MTHFD1L: variants seen among roughly 807,000 people sequenced by gnomAD.
MTHFD1L encodes methylenetetrahydrofolate dehydrogenase (NADP+ dependent) 1 like.
A neutral mutation model predicts 119.5 loss-of-function variants in MTHFD1L; 81 were observed. The observed-to-expected ratio is 0.68, with a 90% CI of 0.57 to 0.82. The LOEUF (loss-of-function observed/expected upper bound fraction) is 0.82, where lower values mean the gene tolerates loss of function less well. Among genes scored for constraint, MTHFD1L ranks in the 40% least tolerant of loss-of-function variants. The pLI, the probability that MTHFD1L is intolerant of heterozygous loss-of-function variation, is 0.00. For missense variants in MTHFD1L, 1,125 were observed against 1,253.4 expected (o/e 0.90, Z 1.55); for synonymous variants, 430 against 475.2 (o/e 0.90, Z 1.24).
chr6:151,008,494 G>A (rs1482700721), intron 20 of MTHFD1L, among the ~76,000 whole-genome samples: 1 of 146,492 alleles, frequency 6.8e-6, no homozygotes, highest in African/African-American at 2.5e-5. Context: ...TTTGTGGGGA[G>A]CCCAAGATTC....
intron 26 of MTHFD1L, among the ~76,000 whole-genome samples, chr6:151,084,310 A>T (rs1259657409): frequency 6.6e-6 from 1 of 152,226 alleles, no homozygotes; most frequent in Admixed American, 6.5e-5. Flanking sequence ...CCTGAGAATG[A>T]CCGTGGAGAG....
In MTHFD1L at chr6:150,972,056, T is replaced by C. The variant is rs2129019889; in HGVS notation, c.2123T>C (p.Val708Ala). ...ALKLVGEEGF[V>A]VTEAGFGADI... ...AAACTGGTTGGTGAAGAAGGATTTGTAGGTAAGTTATTTCTTTTAAATTTA... is the reference window on the plus strand; with the variant it reads ...AAACTGGTTGGTGAAGAAGGATTTGCAGGTAAGTTATTTCTTTTAAATTTA... The change falls in exon 20 of 28, where the codon GTA becomes GCA. Residue 708 changes from valine to alanine, a missense_variant and splice_region_variant. Physicochemically the swap from Val to Ala is moderately conservative, Grantham distance 64 (BLOSUM62 0). Transcript: ENST00000367321. 3 of 1,611,828 alleles carry C rather than the reference T, an allele frequency of 1.9e-6. No individual in the cohort carries two copies. Among genetic ancestry groups the C allele is most frequent in the Non-Finnish European group, 2.5e-6 (3 of 1,177,956 alleles).
chr6:150,869,799 A>G (rs891825808), intron 1 of MTHFD1L, among the ~76,000 whole-genome samples: 2 of 152,124 alleles, frequency 1.3e-5, no homozygotes, highest in African/African-American at 4.8e-5. Flanking sequence ...GCGGAAGTGT[A>G]TTAGTCAGAA....
intron 24 of MTHFD1L, among the ~76,000 whole-genome samples, chr6:151,018,060 T>A (rs986601115): frequency 2.6e-5 from 4 of 152,138 alleles, no homozygotes; most frequent in African/African-American, 9.7e-5. Flanking sequence ...CTCACTCTCC[T>A]CCTCAGATCG....
intron 26 of MTHFD1L, among the ~76,000 whole-genome samples, chr6:151,045,009 TTCGTTTCCTGCTGGA>T (rs1370977026): frequency 6.6e-6 from 1 of 152,188 alleles, no homozygotes; most frequent in African/African-American, 2.4e-5. Context: ...TACTCAGTGT[TTCGTTTCCTGCTGGA>T]TCTGATTCAG....
intron 26 of MTHFD1L, among the ~76,000 whole-genome samples, chr6:151,040,321 C>T (rs1255227141): frequency 1.3e-5 from 2 of 152,150 alleles, no homozygotes; most frequent in Non-Finnish European, 2.9e-5. Context: ...AGGTGGTAGA[C>T]GCAGATAGAA....
intron 8 of MTHFD1L, among the ~76,000 whole-genome samples, chr6:150,918,327 T>A (rs1006711890): frequency 1.3e-5 from 2 of 152,176 alleles, no homozygotes; most frequent in African/African-American, 4.8e-5. Flanking sequence ...CCTCCCAAAG[T>A]GCTGGGATTA....
At chr6:150,999,100 G>C (rs766420247) in intron 20 of MTHFD1L, among the ~76,000 whole-genome samples, 8 of 151,638 alleles carry the variant, frequency 5.3e-5, no homozygotes, top group African/African-American at 1.9e-4. Flanking sequence ...AAGATATCTC[G>C]TTATGTATAT....
chr6:151,007,596 G>T (rs1462233426), intron 20 of MTHFD1L, among the ~76,000 whole-genome samples: 1 of 152,240 alleles, frequency 6.6e-6, no homozygotes, highest in Non-Finnish European at 1.5e-5. Flanking sequence ...GGTCCCGTCC[G>T]TGTGCTAACC....
At chr6:151,087,601 G>A (rs1351678735) in intron 26 of MTHFD1L, among the ~76,000 whole-genome samples, 1 of 152,140 alleles carries the variant, frequency 6.6e-6, no homozygotes, top group Non-Finnish European at 1.5e-5. Context: ...CGATATTTTG[G>A]TTAAGAAAAT....
intron 11 of MTHFD1L, chr6:150,935,288 A>T (rs1791864376): frequency 6.2e-7 from 1 of 1,611,970 alleles, no homozygotes; most frequent in East Asian, 2.2e-5. Flanking sequence ...TGTCGAAAGG[A>T]TGGAAGAAGC....
chr6:150,996,662 A>G (rs1779844455), intron 20 of MTHFD1L, among the ~76,000 whole-genome samples: 1 of 152,176 alleles, frequency 6.6e-6, no homozygotes, highest in Admixed American at 6.5e-5. Flanking sequence ...AGGCCTGAGC[A>G]GCCGGCTGGG....
At position 150,937,743 on chromosome 6, in the gene MTHFD1L, C is replaced by T. The variant is rs1309303632; in HGVS notation, c.1393+803C>T. ...TGAGCCAGTCACAACCTCTCGGAGC[C>T]GCATCTCTAAAAGTCCAAAATGCTG... On this transcript the variant is annotated intron_variant, in intron 12 of 27. Transcript: ENST00000367321. Among the ~76,000 whole-genome samples, 5 of 152,038 alleles carry T rather than the reference C, an allele frequency of 3.3e-5. No homozygotes were observed. In the East Asian group the frequency reaches 7.7e-4, roughly 23 times the overall value.
intron 8 of MTHFD1L, among the ~76,000 whole-genome samples, chr6:150,913,776 T>C (rs1427019230): frequency 6.6e-6 from 1 of 152,122 alleles, no homozygotes; most frequent in Non-Finnish European, 1.5e-5. Context: ...GGCTGATTGC[T>C]TGAGCTCACG....
chr6:151,097,520 T>C (rs746275058), intron 27 of MTHFD1L, among the ~76,000 whole-genome samples: 13 of 152,170 alleles, frequency 8.5e-5, no homozygotes, highest in Non-Finnish European at 1.8e-4. Flanking sequence ...ATGCTGCATG[T>C]TCTCACTCTC....
intron 25 of MTHFD1L, among the ~76,000 whole-genome samples, chr6:151,035,258 A>C (rs1247698468): frequency 6.6e-6 from 1 of 152,196 alleles, no homozygotes; most frequent in Non-Finnish European, 1.5e-5. Flanking sequence ...CAGGAGGCTC[A>C]GCCACCTTCA....
intron 16 of MTHFD1L, among the ~76,000 whole-genome samples, chr6:150,951,730 T>A (rs181246451): frequency 2.5e-3 from 380 of 152,120 alleles, no homozygotes; most frequent in Admixed American, 6.9e-3. Flanking sequence ...TCTTTGAAAA[T>A]TTTTTTTATA....
At chr6:150,876,006 G>T (rs776903019) in intron 1 of MTHFD1L, 84 bp from the exon 2 acceptor site, 1 of 1,077,006 alleles carries the variant, frequency 9.3e-7, no homozygotes, top group Non-Finnish European at 1.4e-6. Context: ...CTTGGAGGAA[G>T]GAACTTTCAC....
intron 8 of MTHFD1L, among the ~76,000 whole-genome samples, chr6:150,907,445 A>G (rs1786120378): frequency 6.6e-6 from 1 of 152,242 alleles, no homozygotes; most frequent in Non-Finnish European, 1.5e-5. Flanking sequence ...TAAACCCATC[A>G]GAAGTTGAAA....
Sources: allele counts gnomAD v4.1 joint callset (sites outside exome capture counted in the v4.1 genomes callset), GRCh38; gene constraint gnomAD v4.1.1; transcripts MANE v1.5; gene names NCBI Gene and HGNC (gene_info 2026-07-23, HGNC 2026-07-21).